The following LAMB4 variants were observed in gnomAD, a reference collection of about 807,000 sequenced individuals.
The protein encoded by LAMB4 is laminin subunit beta-4.
LAMB4 carries 196 observed loss-of-function variants against 199.2 expected under a neutral mutation model. That is an observed-to-expected ratio of 0.98 (90% confidence interval 0.88 to 1.11). The LOEUF (loss-of-function observed/expected upper bound fraction) is 1.11. LAMB4 is among the 50% of genes least tolerant of loss of function. The probability of loss-of-function intolerance (pLI) is 0.00; values close to 1 mark genes in which losing one functional copy is unlikely to be tolerated. For synonymous variants in LAMB4, 744 were observed against 770.6 expected, an observed-to-expected ratio of 0.97 and a Z score of 0.57; for missense variants, 2,080 against 2,171.2, an observed-to-expected ratio of 0.96 and a Z score of 0.83.
At chr7:108,114,012 T>C (rs1158682898) in intron 3 of LAMB4, among the ~76,000 whole-genome samples, 1 of 152,260 alleles carries the variant, frequency 6.6e-6, no homozygotes, top group South Asian at 2.1e-4. Context: ...ACAGTTGGAG[T>C]TACTTCTATT....
At chr7:108,115,963 A>G (rs774460847) in intron 3 of LAMB4, 41 bp downstream of exon 3, 5 of 1,591,562 alleles carry the variant, frequency 3.1e-6, no homozygotes, top group Non-Finnish European at 3.4e-6. Flanking sequence ...TACATCATTG[A>G]TTAAATAATG....
rs1232904584 is a variant in LAMB4 at position 108,109,157 on chromosome 7, C to T, written c.402+14G>A. ...AATAGATAAAAGAGGGGCAGCAGGC[C>T]TATTAGTCTGTACCTTAAAGGTCAG... On this transcript the variant is annotated intron_variant, in intron 5 of 33. Coordinates refer to ENST00000388781, the MANE Select transcript of LAMB4 (RefSeq NM_007356.3). 9 of 1,582,248 alleles carry T rather than the reference C, an allele frequency of 5.7e-6. No individual in the cohort carries two copies. In the Admixed American group the frequency reaches 1.3e-4, roughly 23 times the overall value.
chr7:108,023,979 C>T lies in LAMB4; in HGVS notation c.*60G>A. ...GTATTTCACAGGTTCAACAGAGCCC[C>T]AGGGGCTTGTACATCAGAAACCAGA... On this transcript the variant is annotated 3_prime_UTR_variant, in exon 34 of 34. Transcript: ENST00000388781. The T allele has an allele frequency of 1.4e-6, 2 of 1,467,480 alleles. No individual in the cohort carries two copies. The highest frequency in any genetic ancestry group is 1.4e-5 in the African/African-American group (1 of 68,994). 90.9% of individuals were successfully genotyped at this position (1,467,480 alleles called of 1,614,324 possible).
chr7:108,109,112 T>C (rs914780405), intron 5 of LAMB4, 59 bp downstream of exon 5: 5 of 1,274,952 alleles, frequency 3.9e-6, no homozygotes, highest in Non-Finnish European at 5.7e-6. Context: ...AAATTCCAGA[T>C]AAACACTGAG....
chr7:108,075,475 C>T (rs185999525), intron 17 of LAMB4: 1 of 152,150 alleles, frequency 6.6e-6, no homozygotes, highest in African/African-American at 2.4e-5. Flanking sequence ...AATAAAACTT[C>T]GTTGGGCTAT....
At chr7:108,029,704 C>T (rs1384063993) in intron 32 of LAMB4, among the ~76,000 whole-genome samples, 1 of 152,208 alleles carries the variant, frequency 6.6e-6, no homozygotes, top group East Asian at 1.9e-4. Context: ...GTATGGAGAT[C>T]CCCCTTGAAT....
intron 14 of LAMB4, among the ~76,000 whole-genome samples, chr7:108,080,348 TG>T (rs1202727768): frequency 6.6e-6 from 1 of 152,206 alleles, no homozygotes; most frequent in East Asian, 1.9e-4. Context: ...TGAGGCCATC[TG>T]GACCCTGTAG....
Position 108,052,215 on chromosome 7 carries a change from A to G in LAMB4, c.3798T>C (p.Tyr1266=), listed in dbSNP as rs2035848959. 1 of 1,610,356 alleles carries G rather than the reference A, an allele frequency of 6.2e-7. No homozygotes were observed. The highest frequency in any genetic ancestry group is 1.7e-5 in the Admixed American group (1 of 59,648). Residue 1266 remains tyrosine, a synonymous_variant, in exon 26 of 34, where the codon TAT becomes TAC. Transcript: ENST00000388781. Reference sequence around the variant, plus strand: ...TTGTATCTTTCAGATCTTGAAATTCATACACTGCTTTCAGTTGTTCATTTA... The same window carrying G: ...TTGTATCTTTCAGATCTTGAAATTCGTACACTGCTTTCAGTTGTTCATTTA... ...MQLNEQLKAV[Y]EFQDLKDTIE...
At chr7:108,013,196 G>C in the LAMB4 span, among the ~76,000 whole-genome samples, 1 of 152,180 alleles carries the variant, frequency 6.6e-6, no homozygotes, top group Admixed American at 6.5e-5. Context: ...GAGCATCTTA[G>C]TTTTCTTAGC....
chr7:108,063,582 A>G (rs2036237808), intron 22 of LAMB4, among the ~76,000 whole-genome samples, 179 bp downstream of exon 22: 1 of 152,238 alleles, frequency 6.6e-6, no homozygotes, highest in Non-Finnish European at 1.5e-5. Context: ...TGAGAATACC[A>G]GTGGTTGCAA....
chr7:108,118,029 T>G (rs557034330), intron 2 of LAMB4, among the ~76,000 whole-genome samples: 80 of 152,224 alleles, frequency 5.3e-4, no homozygotes, highest in Non-Finnish European at 9.3e-4. Flanking sequence ...CATCTGGGAA[T>G]GCAGCCCAGT....
intron 1 of LAMB4, among the ~76,000 whole-genome samples, chr7:108,123,605 C>T (rs757394134): frequency 6.6e-6 from 1 of 152,114 alleles, no homozygotes; most frequent in Non-Finnish European, 1.5e-5. Flanking sequence ...TAATACCACC[C>T]GCAGTGGGCC....
At chr7:108,089,912 C>T (rs1197560848) in intron 14 of LAMB4, among the ~76,000 whole-genome samples, 2 of 152,162 alleles carry the variant, frequency 1.3e-5, no homozygotes, top group Admixed American at 6.5e-5. Context: ...GTGATCCTGC[C>T]TTGGCCTCCC....
At position 108,103,203 on chromosome 7, in the gene LAMB4, A is replaced by G. The variant is rs2037878532; in HGVS notation, c.1021T>C (p.Cys341Arg). The stretch of plus-strand genomic sequence containing the variant: ...AGGTACGTAGTCATGTCAAAGTGAC[A>G]GCGGCTGGAGTGGCTATTACAGCTG... ...SCSCNSHSSR[C>R]HFDMTTYLAS... Residue 341 changes from cysteine to arginine, a missense_variant, in exon 10 of 34, where the codon TGT (cysteine) becomes CGT (arginine). Cys to Arg is a radical substitution (Grantham distance 180). Coordinates refer to ENST00000388781, the MANE Select transcript of LAMB4 (RefSeq NM_007356.3). 1.3e-6 allele frequency: 2 copies of G among 1,578,164 alleles called. No homozygotes were observed. Among genetic ancestry groups the G allele is most frequent in the East Asian group, 2.3e-5 (1 of 43,426 alleles).
the LAMB4 span, among the ~76,000 whole-genome samples, chr7:108,014,354 T>G: frequency 6.6e-6 from 1 of 152,354 alleles, no homozygotes; most frequent in Non-Finnish European, 1.5e-5. Context: ...ATGGTCTGTT[T>G]GGGTTTGGAT....
chr7:108,065,455 A>G (rs566489158), intron 21 of LAMB4, among the ~76,000 whole-genome samples: 1 of 152,312 alleles, frequency 6.6e-6, no homozygotes, highest in Non-Finnish European at 1.5e-5. Flanking sequence ...TCACATTTAT[A>G]TCTTACTTAA....
chr7:108,076,578 C>T (rs2036711528), intron 17 of LAMB4, among the ~76,000 whole-genome samples: 1 of 152,128 alleles, frequency 6.6e-6, no homozygotes, highest in Admixed American at 6.5e-5. Flanking sequence ...CCTATACCAA[C>T]AGTGTGCTGT....
chr7:108,127,170 C>T (rs1275206294), intron 1 of LAMB4, among the ~76,000 whole-genome samples: 2 of 144,160 alleles, frequency 1.4e-5, no homozygotes, highest in African/African-American at 5.2e-5. Context: ...ATTAAAATCA[C>T]CAGGGTTTTT....
rs755719979 is a variant in LAMB4, at chr7:108,111,836, TTC to T, written c.301_302del (p.Glu101LysfsTer7). ...CATTTTCAGATTGCCACCATTTCTT[TTC>T]TCTGTCTGGTTCAAAACTTACAATG... is the stretch of plus-strand genomic sequence containing the variant. ...NVIVSFEPDR[E>X]KKWWQSENGL... On this transcript the variant is annotated frameshift_variant, in exon 4 of 34. Transcript: ENST00000388781. LOFTEE classifies it high-confidence loss of function. The T allele has an allele frequency of 3.1e-6, 5 of 1,612,434 alleles. No homozygotes were observed. The highest frequency in any genetic ancestry group is 3.3e-5 in the Admixed American group (2 of 59,762).
Sources: gnomAD v4.1 joint callset for allele counts (sites outside exome capture counted in the v4.1 genomes callset) on GRCh38, gnomAD v4.1.1 for gene constraint, MANE v1.5 for transcripts, NCBI Gene and HGNC (gene_info 2026-07-23, HGNC 2026-07-21) for gene names.